The following L3MBTL3 variants were observed in gnomAD, a reference collection of about 807,000 sequenced individuals.
L3MBTL3 encodes lethal(3)malignant brain tumor-like protein 3.
L3MBTL3 carries 27 observed loss-of-function variants against 102.3 expected under a neutral mutation model. The observed-to-expected ratio is 0.26, with a 90% confidence interval of 0.19 to 0.36. The LOEUF is 0.36. Among genes scored for constraint, L3MBTL3 ranks in the 10% least tolerant of loss-of-function variants. L3MBTL3 has a pLI of 1.00. For synonymous variants in L3MBTL3, 340 were observed against 320.9 expected, an observed-to-expected ratio of 1.06 and a Z score of -0.64; for missense variants, 798 against 955.3, an observed-to-expected ratio of 0.84 and a Z score of 2.17.
chr6:130,048,726 T>C (rs4279458), intron 3 of L3MBTL3, among the ~76,000 whole-genome samples: 81,583 of 151,920 alleles, frequency 0.54, 25,350 homozygotes, highest in East Asian at 0.76. Flanking sequence ...GCACTGGGGT[T>C]ATGTGGTTCA....
chr6:130,134,271 T>G (rs149490745), intron 22 of L3MBTL3, among the ~76,000 whole-genome samples: 2 of 152,352 alleles, frequency 1.3e-5, no homozygotes, highest in African/African-American at 4.8e-5. Flanking sequence ...TTAGTTTCCA[T>G]TATTTTATTT....
intron 18 of L3MBTL3, among the ~76,000 whole-genome samples, chr6:130,097,461 A>G (rs1469803949): frequency 2.0e-5 from 3 of 152,222 alleles, no homozygotes; most frequent in Non-Finnish European, 4.4e-5. Context: ...GTTTGTTGTT[A>G]CCTTCTCTGA....
At chr6:130,027,734 A>T (rs1239424440) in intron 2 of L3MBTL3, among the ~76,000 whole-genome samples, 2 of 152,240 alleles carry the variant, frequency 1.3e-5, no homozygotes, top group African/African-American at 4.8e-5. Context: ...TTTTAGCATT[A>T]AAAATTATGA....
At position 130,051,354 on chromosome 6, in the gene L3MBTL3, G is replaced by C. The variant is rs775378786; in HGVS notation, c.395G>C (p.Cys132Ser). 4.3e-6 allele frequency: 7 copies of C among 1,614,020 alleles called. No individual in the cohort carries two copies. The Admixed American group carries it at 1.2e-4, about 27-fold the overall frequency. Residue 132 changes from cysteine (C) to serine (S), a missense_variant, in exon 6 of 23, where the codon TGT becomes TCT. This residue lies in a region of L3MBTL3 where 434 missense variants were observed against 506.6 expected (regional missense o/e 0.86). Coordinates refer to ENST00000361794, the MANE Select transcript of L3MBTL3 (RefSeq NM_032438.4). ...NCCQYGNVDE[C>S]LSGGNYCSQN... ...TGTCAGTATGGCAACGTAGATGAGT[G>C]TCTTTCTGGAGGAAACTATTGCAGC...
At chr6:130,049,996 A>G (rs890788755) in intron 5 of L3MBTL3, among the ~76,000 whole-genome samples, 166 bp downstream of exon 5, 3 of 152,202 alleles carry the variant, frequency 2.0e-5, no homozygotes, top group African/African-American at 4.8e-5. Flanking sequence ...TGTTCTTCCC[A>G]TCCCCATATC....
At chr6:130,073,000 A>T (rs34585489) in intron 13 of L3MBTL3, among the ~76,000 whole-genome samples, 10,436 of 152,186 alleles carry the variant, frequency 0.069, 483 homozygotes, top group Non-Finnish European at 0.1. Flanking sequence ...GTTGAGTCTC[A>T]CAGTTTGATT....
At chr6:130,104,329 A>C in intron 18 of L3MBTL3, 97 bp from the exon 19 acceptor site, 1 of 850,478 alleles carries the variant, frequency 1.2e-6, no homozygotes, top group Non-Finnish European at 1.7e-6. Flanking sequence ...AAATTTTAGA[A>C]TTTTATATTC....
intron 13 of L3MBTL3, among the ~76,000 whole-genome samples, chr6:130,071,659 A>G (rs9321206): frequency 0.94 from 143,477 of 152,056 alleles, 68,109 homozygotes; most frequent in Middle Eastern, 1. Context: ...TCAGTTTCCT[A>G]GTAAAAGGCA....
chr6:130,073,439 G>A (rs565697018), intron 13 of L3MBTL3, among the ~76,000 whole-genome samples: 37 of 152,092 alleles, frequency 2.4e-4, no homozygotes, highest in South Asian at 2.3e-3. Flanking sequence ...AATAAATAAC[G>A]CTAAAACAAT....
At chr6:130,020,435 T>G (rs1442581400) in intron 1 of L3MBTL3, 10 of 152,000 alleles carry the variant, frequency 6.6e-5, no homozygotes, top group Admixed American at 6.5e-4. Flanking sequence ...AAACTTTAAT[T>G]ACCTTTAAAG....
chr6:130,092,145 A>G (rs1220478155), intron 16 of L3MBTL3, among the ~76,000 whole-genome samples: 1 of 152,212 alleles, frequency 6.6e-6, no homozygotes, highest in Non-Finnish European at 1.5e-5. Context: ...ATAATTAAAA[A>G]TAAAACAATA....
In L3MBTL3 at chr6:130,058,961, C is replaced by T. The variant is rs141748801; in HGVS notation, c.760-1075C>T. Among the ~76,000 whole-genome samples, 554 of 152,046 alleles carry T rather than the reference C, an allele frequency of 3.6e-3. 3 individuals carry two copies. The highest frequency in any genetic ancestry group is 0.012 in the African/African-American group (504 of 41,454). On this transcript the variant is annotated intron_variant, in intron 9 of 22. Transcript: ENST00000361794. ...TAGTAAATGTTAGTAAATGTTAGGACGATTACATCTGCATTAAGAATATTT... is the reference window on the plus strand; with the variant it reads ...TAGTAAATGTTAGTAAATGTTAGGATGATTACATCTGCATTAAGAATATTT...
intron 22 of L3MBTL3, among the ~76,000 whole-genome samples, chr6:130,136,416 C>G (rs1582666542): frequency 6.6e-6 from 1 of 152,102 alleles, no homozygotes; most frequent in Non-Finnish European, 1.5e-5. Flanking sequence ...CTCTGATTGT[C>G]CAGGCTTGCT....
At chr6:130,113,922 C>A (rs1243317597) in intron 19 of L3MBTL3, among the ~76,000 whole-genome samples, 1 of 152,186 alleles carries the variant, frequency 6.6e-6, no homozygotes, top group Non-Finnish European at 1.5e-5. Context: ...TAGAGCCAAC[C>A]ATTCTAAAAG....
In L3MBTL3 at chr6:130,051,255, C is replaced by T; in HGVS notation, c.296C>T (p.Ser99Leu). The T allele has an allele frequency of 1.2e-6, 2 of 1,610,790 alleles. No individual in the cohort carries two copies. The highest frequency in any genetic ancestry group is 1.7e-6 in the Non-Finnish European group (2 of 1,178,198). ...TCTTCTTTTCATCTTCTAGTCTTTT[C>T]AGAGAAGACTGGGATGCCTTTCAGG... ...TSPPGCPTVFSEKTGMPFRLK... is the reference protein window; with the variant it reads ...TSPPGCPTVFLEKTGMPFRLK... Residue 99 changes from serine to leucine, a missense_variant, in exon 6 of 23, where the codon TCA (serine) becomes TTA (leucine). By Grantham distance (145) the Ser-to-Leu change is moderately radical. Coordinates refer to ENST00000361794, the MANE Select transcript of L3MBTL3 (RefSeq NM_032438.4).
At chr6:130,036,382 G>C (rs1045335829) in intron 2 of L3MBTL3, among the ~76,000 whole-genome samples, 3 of 152,172 alleles carry the variant, frequency 2.0e-5, no homozygotes, top group Admixed American at 2.0e-4. Flanking sequence ...ATATTTTTAT[G>C]CTATAATATT....
Position 130,140,063 on chromosome 6 carries a change from G to GA in L3MBTL3, c.*310_*311insA, listed in dbSNP as rs1404135109. ...TTCATTAATTATTTATGGTAATGGG[G>GA]GGCAGAGTAAGAACTTTTGGCATTT... On this transcript the variant is annotated 3_prime_UTR_variant, in exon 23 of 23. Coordinates refer to ENST00000361794, the MANE Select transcript of L3MBTL3 (RefSeq NM_032438.4). 2 of 171,352 alleles carry GA rather than the reference G, an allele frequency of 1.2e-5. No individual in the cohort carries two copies. The highest frequency in any genetic ancestry group is 1.2e-5 in the Non-Finnish European group (1 of 81,586). 10.6% of individuals were successfully genotyped at this position (171,352 alleles called of 1,614,324 possible). A position where few individuals can be genotyped will look rare whatever the true frequency, so the allele number is the denominator to read the frequency against.
intron 18 of L3MBTL3, among the ~76,000 whole-genome samples, chr6:130,098,855 G>T (rs1784511206): frequency 1.4e-5 from 2 of 140,544 alleles, no homozygotes; most frequent in Non-Finnish European, 3.0e-5. Flanking sequence ...CCTGCCTCGT[G>T]TGTTTTTCTT....
intron 18 of L3MBTL3, among the ~76,000 whole-genome samples, chr6:130,095,501 A>G (rs1377389156): frequency 1.3e-5 from 2 of 152,160 alleles, no homozygotes; most frequent in African/African-American, 4.8e-5. Flanking sequence ...CAAAATTTAT[A>G]TGATACATCT....
Sources: gnomAD v4.1 joint callset for allele counts (sites outside exome capture counted in the v4.1 genomes callset) on GRCh38, gnomAD v4.1.1 for gene constraint, gnomAD v4.1.1 regional missense constraint, MANE v1.5 for transcripts, NCBI Gene and HGNC (gene_info 2026-07-23, HGNC 2026-07-21) for gene names.